Variants in MAP3K13 observed in about 807,000 individuals in gnomAD.
MAP3K13 encodes the protein leucine zipper-bearing kinase.
A neutral mutation model predicts 104.0 loss-of-function variants in MAP3K13; 52 were observed. The ratio of observed to expected loss-of-function variants is 0.50; its 90% CI spans 0.40 to 0.63. MAP3K13 has a LOEUF of 0.63. Ranked by LOEUF, MAP3K13 falls within the 20% of genes least tolerant of loss-of-function variation. The probability of loss-of-function intolerance (pLI) is 0.00; values close to 1 mark genes in which losing one functional copy is unlikely to be tolerated. For missense variants in MAP3K13, 914 were observed against 1,218.5 expected, an observed-to-expected ratio of 0.75 and a Z score of 3.72; for synonymous variants, 394 against 442.2, an observed-to-expected ratio of 0.89 and a Z score of 1.37.
intron 2 of MAP3K13, among the ~76,000 whole-genome samples, chr3:185,331,997 C>T (rs905795867): frequency 6.6e-5 from 10 of 152,298 alleles, no homozygotes; most frequent in African/African-American, 9.6e-5. Flanking sequence ...ATCCATTGTA[C>T]GGATGTACTG....
rs531392376 is a variant in MAP3K13 at position 185,330,155 on chromosome 3, C to A, written c.-86+44512C>A. On this transcript the variant is annotated intron_variant, in intron 2 of 14. Transcript: ENST00000424227. ...TGACCTCGTGATCCACCCGCCTCGGCCTCCCAAAGTGCTGGGATTACAGGC... is the reference window on the plus strand; with the variant it reads ...TGACCTCGTGATCCACCCGCCTCGGACTCCCAAAGTGCTGGGATTACAGGC... Among the ~76,000 whole-genome samples the A allele has an allele frequency of 6.0e-5, 9 of 150,624 alleles. No homozygotes were observed. The South Asian group carries it at 1.9e-3, about 31-fold the overall frequency.
chr3:185,310,791 A>G (rs1459500821), intron 2 of MAP3K13, among the ~76,000 whole-genome samples: 2 of 152,222 alleles, frequency 1.3e-5, no homozygotes, highest in African/African-American at 4.8e-5. Context: ...TCAACTATCC[A>G]TTTATTCCTG....
intron 1 of MAP3K13, among the ~76,000 whole-genome samples, chr3:185,374,178 G>A (rs762808988): frequency 1.1e-4 from 17 of 152,094 alleles, no homozygotes; most frequent in Non-Finnish European, 2.4e-4. Context: ...AGGCCATCTA[G>A]ATGTATACTG....
At chr3:185,289,989 T>C (rs1009946762) in intron 2 of MAP3K13, among the ~76,000 whole-genome samples, 2 of 152,192 alleles carry the variant, frequency 1.3e-5, no homozygotes, top group East Asian at 3.8e-4. Context: ...AGTTTTATTA[T>C]TCATTTCAAG....
chr3:185,338,365 GC>G (rs1168529298), intron 2 of MAP3K13, among the ~76,000 whole-genome samples: 12 of 150,500 alleles, frequency 8.0e-5, no homozygotes, highest in African/African-American at 2.9e-4. Context: ...AAAACAAGTG[GC>G]TCATATGGGT....
intron 9 of MAP3K13, among the ~76,000 whole-genome samples, chr3:185,466,105 G>A (rs1717403134): frequency 1.3e-5 from 2 of 152,334 alleles, no homozygotes; most frequent in South Asian, 4.1e-4. Flanking sequence ...GCATAGGGAA[G>A]GGGTCCCCAT....
chr3:185,316,947 C>A (rs1197304153), intron 2 of MAP3K13, among the ~76,000 whole-genome samples: 1 of 152,046 alleles, frequency 6.6e-6, no homozygotes, highest in African/African-American at 2.4e-5. Flanking sequence ...TTTAAACATT[C>A]TTGTTAAAAG....
At chr3:185,381,367 G>A (rs535565763) in intron 1 of MAP3K13, among the ~76,000 whole-genome samples, 6 of 152,254 alleles carry the variant, frequency 3.9e-5, no homozygotes, top group South Asian at 2.1e-4. Flanking sequence ...GTTAATCCTC[G>A]TTATTCACAG....
At chr3:185,351,450 T>G in intron 2 of MAP3K13, among the ~76,000 whole-genome samples, 1 of 152,208 alleles carries the variant, frequency 6.6e-6, no homozygotes, top group East Asian at 1.9e-4. Flanking sequence ...GTTAACTGAC[T>G]CTGCCAAAGA....
At chr3:185,468,119 C>T (rs1717564263) in intron 10 of MAP3K13, among the ~76,000 whole-genome samples, 1 of 152,044 alleles carries the variant, frequency 6.6e-6, no homozygotes, top group Non-Finnish European at 1.5e-5. Context: ...CAATCACCCC[C>T]TCACCAGGCC....
chr3:185,455,896 GAT>G (rs1244923020), intron 7 of MAP3K13, among the ~76,000 whole-genome samples: 9 of 136,398 alleles, frequency 6.6e-5, no homozygotes, highest in South Asian at 2.3e-4. Context: ...ATATAGATGA[GAT>G]ATATATGATA....
intron 7 of MAP3K13, among the ~76,000 whole-genome samples, chr3:185,459,515 T>C (rs1236208669): frequency 6.6e-6 from 1 of 152,124 alleles, no homozygotes; most frequent in Non-Finnish European, 1.5e-5. Context: ...TGGTGTGATC[T>C]CAGCCCACTG....
At chr3:185,288,084 G>T (rs562325258) in intron 2 of MAP3K13, among the ~76,000 whole-genome samples, 15 of 152,244 alleles carry the variant, frequency 9.9e-5, no homozygotes, top group African/African-American at 2.6e-4. Flanking sequence ...ATGTCCTTGG[G>T]ATTAATCACT....
intron 2 of MAP3K13, chr3:185,291,914 A>G: frequency 8.5e-7 from 1 of 1,180,232 alleles, no homozygotes; most frequent in South Asian, 4.1e-5. Context: ...AAAAAAAAAA[A>G]AAAAAAAAAT....
intron 2 of MAP3K13, among the ~76,000 whole-genome samples, chr3:185,310,593 T>C (rs1721464598): frequency 6.6e-6 from 1 of 152,126 alleles, no homozygotes; most frequent in South Asian, 2.1e-4. Context: ...AAAAACATGA[T>C]ATCTGGGATG....
At chr3:185,420,053 A>G (rs1714028807) in intron 1 of MAP3K13, among the ~76,000 whole-genome samples, 1 of 152,234 alleles carries the variant, frequency 6.6e-6, no homozygotes, top group African/African-American at 2.4e-5. Context: ...TGTCTCCAGC[A>G]TACTTCAAGA....
At chr3:185,292,489 C>T (rs1178211449) in intron 2 of MAP3K13, 1 of 208,292 alleles carries the variant, frequency 4.8e-6, no homozygotes, top group East Asian at 1.8e-4. Flanking sequence ...GTCACTTAAC[C>T]TCTCTGAACC....
chr3:185,463,811 C>T, intron 8 of MAP3K13, 152 bp downstream of exon 8: 1 of 513,710 alleles, frequency 1.9e-6, no homozygotes, highest in Admixed American at 3.1e-5. Context: ...AAAAGTTAGC[C>T]TTCCTTTGTA....
At chr3:185,377,293 C>A (rs972145109) in intron 1 of MAP3K13, among the ~76,000 whole-genome samples, 1 of 152,054 alleles carries the variant, frequency 6.6e-6, no homozygotes, top group Non-Finnish European at 1.5e-5. Flanking sequence ...GGGATATTGG[C>A]ATTGAGCAGG....
Sources: gnomAD v4.1 joint callset for allele counts (sites outside exome capture counted in the v4.1 genomes callset) on GRCh38, gnomAD v4.1.1 for gene constraint, MANE v1.5 for transcripts, NCBI Gene and HGNC (gene_info 2026-07-23, HGNC 2026-07-21) for gene names.